OTOGL: variants seen among roughly 807,000 people sequenced by gnomAD.
OTOGL encodes the protein otogelin-like protein.
OTOGL carries 285 observed loss-of-function variants against 318.5 expected under a neutral mutation model. The ratio of observed to expected loss-of-function variants is 0.89; its 90% CI spans 0.81 to 0.99. The LOEUF is 0.99. Among genes scored for constraint, OTOGL ranks in the 50% least tolerant of loss-of-function variants. The probability of loss-of-function intolerance (pLI) is 0.00; values close to 1 mark genes in which losing one functional copy is unlikely to be tolerated. For synonymous variants in OTOGL, 987 were observed against 936.5 expected (o/e 1.05, Z -0.99); for missense variants, 2,899 against 2,845.6 (o/e 1.02, Z -0.43).
Position 80,271,363 on chromosome 12 carries a change from C to A in OTOGL, c.2519-285C>A, listed in dbSNP as rs71463864. ...GAGGTGAAGCAAGATTTAGAATAAT[C>A]GTGTGTTCATTGTAGCTTTGTAAAA... On this transcript the variant is annotated intron_variant, in intron 23 of 58. Transcript: ENST00000547103. Among the ~76,000 whole-genome samples the A allele has an allele frequency of 0.012, 1,808 of 152,074 alleles. 35 individuals carry two copies. The highest frequency in any genetic ancestry group is 0.035 in the African/African-American group (1,470 of 41,478).
At chr12:80,282,067 T>C (rs1167018435) in intron 26 of OTOGL, among the ~76,000 whole-genome samples, 2 of 151,902 alleles carry the variant, frequency 1.3e-5, no homozygotes, top group Non-Finnish European at 2.9e-5. Context: ...TAAAATTTCT[T>C]ACATTGAATG....
chr12:80,108,938 A>G (rs189547740), intron 1 of OTOGL, among the ~76,000 whole-genome samples: 1,586 of 126,536 alleles, frequency 0.013, 56 homozygotes, highest in African/African-American at 0.04. Context: ...ATGTGTGTGT[A>G]TATATATATA....
Position 80,379,691 on chromosome 12 carries a change from A to C in OTOGL, c.*1643A>C, listed in dbSNP as rs910964610. The stretch of plus-strand genomic sequence containing the variant: ...TAATGTTGTATATTATCTATTGCCC[A>C]TTTTTATTTCCATTTTCTGTAAAAT... On this transcript the variant is annotated 3_prime_UTR_variant, in exon 59 of 59. Transcript: ENST00000547103. The C allele has an allele frequency of 6.6e-6, 1 of 151,954 alleles. No individual in the cohort carries two copies. Among genetic ancestry groups the C allele is most frequent in the Non-Finnish European group, 1.5e-5 (1 of 67,868 alleles). 9.4% of individuals were successfully genotyped at this position (151,954 alleles called of 1,614,324 possible).
chr12:80,308,970 AGGGAGACCGTG>A, intron 29 of OTOGL, among the ~76,000 whole-genome samples: 2 of 133,706 alleles, frequency 1.5e-5, no homozygotes, highest in South Asian at 2.8e-4. Flanking sequence ...AGAGAGGGAG[AGGGAGACCGTG>A]GGGAGAGGGA....
chr12:80,117,973 A>G (rs927461409), intron 1 of OTOGL, among the ~76,000 whole-genome samples: 43 of 152,118 alleles, frequency 2.8e-4, no homozygotes, highest in African/African-American at 1.0e-3. Context: ...CTTTAAAACT[A>G]TCTCCTTCAG....
At chr12:80,175,572 C>A (rs1028852141) in intron 1 of OTOGL, among the ~76,000 whole-genome samples, 2 of 152,108 alleles carry the variant, frequency 1.3e-5, no homozygotes, top group African/African-American at 2.4e-5. Context: ...AATGTGTGTT[C>A]TTTTATCTAG....
At chr12:80,254,984 C>CT in intron 15 of OTOGL, 56 bp from the exon 16 acceptor site, 1 of 1,335,366 alleles carries the variant, frequency 7.5e-7, no homozygotes, top group South Asian at 1.9e-5. Flanking sequence ...TCCTCTCTCT[C>CT]CTCCTCTATC....
At chr12:80,292,531 C>A (rs1885115002) in intron 26 of OTOGL, among the ~76,000 whole-genome samples, 2 of 152,170 alleles carry the variant, frequency 1.3e-5, no homozygotes, top group African/African-American at 4.8e-5. Context: ...TCAAGAGCAC[C>A]TGTCAGAGTC....
At chr12:80,173,567 C>T (rs1874346584) in intron 1 of OTOGL, among the ~76,000 whole-genome samples, 1 of 152,140 alleles carries the variant, frequency 6.6e-6, no homozygotes, top group Admixed American at 6.6e-5. Flanking sequence ...GGTTCTTTAC[C>T]TCATGCTGTT....
At chr12:80,310,965 A>C (rs1432981380) in intron 30 of OTOGL, among the ~76,000 whole-genome samples, 1 of 152,176 alleles carries the variant, frequency 6.6e-6, no homozygotes, top group Admixed American at 6.5e-5. Flanking sequence ...ATTTGTAATA[A>C]TTTGTTCTAG....
At chr12:80,371,838 A>G (rs1890890504) in intron 56 of OTOGL, among the ~76,000 whole-genome samples, 181 bp from the exon 57 acceptor site, 1 of 152,164 alleles carries the variant, frequency 6.6e-6, no homozygotes, top group South Asian at 2.1e-4. Flanking sequence ...TTTAAACAAA[A>G]TATCTACTCC....
rs573400642 is a variant in OTOGL, at chr12:80,149,233, G to A, written c.-20+49628G>A. On this transcript the variant is annotated intron_variant, in intron 1 of 58. Transcript: ENST00000547103. ...ATGGTGATGTACAGATGGGTTTTTGGTGTGGATGTCCTTTCTGTTTGTTAG... is the reference window on the plus strand; with the variant it reads ...ATGGTGATGTACAGATGGGTTTTTGATGTGGATGTCCTTTCTGTTTGTTAG... Among the ~76,000 whole-genome samples, 663 of 152,198 alleles carry A rather than the reference G, an allele frequency of 4.4e-3. 5 individuals are homozygous for A. Among genetic ancestry groups the A allele is most frequent in the African/African-American group, 0.015 (637 of 41,500 alleles).
At chr12:80,346,392 TA>T (rs200123104) in intron 44 of OTOGL, among the ~76,000 whole-genome samples, 3 of 150,228 alleles carry the variant, frequency 2.0e-5, no homozygotes, top group Admixed American at 6.6e-5. Flanking sequence ...AGTTAAGAAC[TA>T]AAAAAAAAGG....
chr12:80,155,176 C>T (rs1382075758), intron 1 of OTOGL, among the ~76,000 whole-genome samples: 2 of 152,070 alleles, frequency 1.3e-5, no homozygotes, highest in East Asian at 3.8e-4. Context: ...TTTTGGATAA[C>T]AATTCTTTAT....
At chr12:80,124,658 C>G (rs1431416710) in intron 1 of OTOGL, among the ~76,000 whole-genome samples, 1 of 152,100 alleles carries the variant, frequency 6.6e-6, no homozygotes, top group Non-Finnish European at 1.5e-5. Flanking sequence ...TATTGATTCT[C>G]CCTACCCATG....
At chr12:80,276,557 A>C (rs1883823405) in intron 24 of OTOGL, among the ~76,000 whole-genome samples, 1 of 151,744 alleles carries the variant, frequency 6.6e-6, no homozygotes, top group Non-Finnish European at 1.5e-5. Flanking sequence ...AGCTGGGGAC[A>C]TAAAAGATTG....
intron 19 of OTOGL, among the ~76,000 whole-genome samples, chr12:80,264,789 A>G (rs538890359): frequency 7.6e-6 from 1 of 132,110 alleles, no homozygotes; most frequent in Admixed American, 7.8e-5. Context: ...GGTACAATAC[A>G]CTATTTTTTT....
At chr12:80,343,304 T>C (rs895019051) in intron 44 of OTOGL, among the ~76,000 whole-genome samples, 13 of 152,086 alleles carry the variant, frequency 8.5e-5, no homozygotes, top group African/African-American at 2.9e-4. Flanking sequence ...CCTTCACAGA[T>C]ATCAAAATCC....
In OTOGL at chr12:80,125,542, G is replaced by A. The variant is rs1482052057; in HGVS notation, c.-20+25937G>A. ...TGCCAGGCTTTGGTATCAGGATGATGCTGGCCTCATAAAATGAGTTAAGGA... is the reference window on the plus strand; with the variant it reads ...TGCCAGGCTTTGGTATCAGGATGATACTGGCCTCATAAAATGAGTTAAGGA... On this transcript the variant is annotated intron_variant, in intron 1 of 58. Transcript: ENST00000547103. Among the ~76,000 whole-genome samples, 3 of 152,198 alleles carry A rather than the reference G, an allele frequency of 2.0e-5. No homozygotes were observed. In the East Asian group the frequency reaches 5.8e-4, roughly 29 times the overall value.
Sources: gnomAD v4.1 joint callset for allele counts (sites outside exome capture counted in the v4.1 genomes callset) on GRCh38, gnomAD v4.1.1 for gene constraint, MANE v1.5 for transcripts, NCBI Gene and HGNC (gene_info 2026-07-23, HGNC 2026-07-21) for gene names.